ANK2: variants seen among roughly 807,000 people sequenced by gnomAD.
The protein encoded by ANK2 is ankyrin-2.
In ANK2, 83 loss-of-function variants were observed where a neutral mutation model predicts 360.5. That is an observed-to-expected ratio of 0.23 (90% confidence interval 0.19 to 0.28). The LOEUF (loss-of-function observed/expected upper bound fraction) is 0.28. Ranked by LOEUF, ANK2 falls within the 10% of genes least tolerant of loss-of-function variation. ANK2 has a pLI of 1.00. For missense variants in ANK2, 4,201 were observed against 4,795.7 expected (o/e 0.88, Z 3.66); for synonymous variants, 1,740 against 1,759.5 (o/e 0.99, Z 0.28).
intron 28 of ANK2, among the ~76,000 whole-genome samples, chr4:113,332,484 GGA>G (rs1194862968): frequency 6.6e-6 from 1 of 152,194 alleles, no homozygotes. Flanking sequence ...AATAGGCATT[GGA>G]CACAATTGGG....
chr4:113,339,359 T>A (rs773932721), intron 32 of ANK2, 37 bp downstream of exon 32: 2 of 1,546,096 alleles, frequency 1.3e-6, no homozygotes, highest in Admixed American at 3.3e-5. Flanking sequence ...CACTATGATA[T>A]GTTACCCTCC....
intron 17 of ANK2, among the ~76,000 whole-genome samples, chr4:113,280,909 T>C (rs1292317135): frequency 6.6e-6 from 1 of 152,178 alleles, no homozygotes; most frequent in Non-Finnish European, 1.5e-5. Context: ...CAAAAAGAAG[T>C]TGACTAAACT....
the ANK2 span, among the ~76,000 whole-genome samples, chr4:112,753,198 C>T: frequency 6.6e-6 from 1 of 152,340 alleles, no homozygotes; most frequent in East Asian, 1.9e-4. Context: ...AGTCTTGCTT[C>T]ATCTGCTGAT....
the ANK2 span, among the ~76,000 whole-genome samples, chr4:112,776,779 C>A: frequency 4.6e-5 from 7 of 152,160 alleles, no homozygotes; most frequent in Non-Finnish European, 1.0e-4. Flanking sequence ...CTATCAGGGA[C>A]ACAGGAAGTT....
the ANK2 span, among the ~76,000 whole-genome samples, chr4:112,811,322 ACT>A: frequency 6.6e-6 from 1 of 151,976 alleles, no homozygotes; most frequent in African/African-American, 2.4e-5. Flanking sequence ...ATTTTAGGTA[ACT>A]CTCTGCTGTA....
chr4:113,280,808 T>G (rs937671287), intron 17 of ANK2, among the ~76,000 whole-genome samples: 1 of 152,230 alleles, frequency 6.6e-6, no homozygotes, highest in Non-Finnish European at 1.5e-5. Context: ...TGATCGCTTA[T>G]GTTGTTTTGC....
chr4:113,264,657 G>T (rs1241521774), intron 13 of ANK2, among the ~76,000 whole-genome samples: 1 of 151,924 alleles, frequency 6.6e-6, no homozygotes, highest in Non-Finnish European at 1.5e-5. Flanking sequence ...TGGAGGTGGA[G>T]GTTGTGGTGA....
intron 14 of ANK2, 35 bp from the exon 15 acceptor site, chr4:113,274,417 C>T (rs1470016368): frequency 1.9e-6 from 3 of 1,603,742 alleles, no homozygotes; most frequent in South Asian, 2.2e-5. Context: ...GTTCTGTCTG[C>T]CCGGCACTAA....
chr4:112,996,072 C>G (rs1245183457), intron 2 of ANK2, among the ~76,000 whole-genome samples: 1 of 152,100 alleles, frequency 6.6e-6, no homozygotes, highest in African/African-American at 2.4e-5. Flanking sequence ...CGAAAACAAC[C>G]CAAATGTCTA....
At chr4:113,339,115 C>A in intron 31 of ANK2, 111 bp from the exon 32 acceptor site, 1 of 853,068 alleles carries the variant, frequency 1.2e-6, no homozygotes, top group Non-Finnish European at 1.9e-6. Flanking sequence ...TTTCAATGTG[C>A]CATTTTGAGG....
the ANK2 span, among the ~76,000 whole-genome samples, chr4:112,709,302 T>C: frequency 6.6e-6 from 1 of 152,222 alleles, no homozygotes; most frequent in Non-Finnish European, 1.5e-5. Flanking sequence ...ATTCATTTTC[T>C]AACTTTGTAA....
intron 2 of ANK2, among the ~76,000 whole-genome samples, chr4:112,942,869 C>A (rs1377182592): frequency 6.6e-6 from 1 of 151,720 alleles, no homozygotes; most frequent in Non-Finnish European, 1.5e-5. Flanking sequence ...TAAATTAGTC[C>A]TAACAATATC....
intron 10 of ANK2, among the ~76,000 whole-genome samples, chr4:113,250,089 A>T (rs2045317359): frequency 6.6e-6 from 1 of 152,202 alleles, no homozygotes. Context: ...CTATATTTTT[A>T]CCTGTTATTC....
At chr4:113,141,971 T>G (rs1484515070) in intron 1 of ANK2, among the ~76,000 whole-genome samples, 3 of 152,210 alleles carry the variant, frequency 2.0e-5, no homozygotes, top group Non-Finnish European at 4.4e-5. Context: ...TCATGGAGGC[T>G]TTGAATTTCA....
intron 2 of ANK2, among the ~76,000 whole-genome samples, chr4:113,017,752 A>G (rs182218190): frequency 6.6e-6 from 1 of 152,348 alleles, no homozygotes; most frequent in East Asian, 1.9e-4. Context: ...GCTGCAGCAT[A>G]CAATTCTTAT....
chr4:113,241,242 A>G lies in ANK2; in HGVS notation c.792+659A>G, dbSNP rs1020517493. ...ATAAATAAATATAATTTGTATGTATAATGTTTTTGTACTAAGAAGTCATCT... is the reference window on the plus strand; with the variant it reads ...ATAAATAAATATAATTTGTATGTATGATGTTTTTGTACTAAGAAGTCATCT... On this transcript the variant is annotated intron_variant, in intron 8 of 45. Transcript: ENST00000357077. 3.9e-5 allele frequency among the ~76,000 whole-genome samples: 6 copies of G among 152,222 alleles called. No homozygotes were observed. The South Asian group carries it at 1.2e-3, about 32-fold the overall frequency.
intron 34 of ANK2, 77 bp from the exon 35 acceptor site, chr4:113,345,823 C>T: frequency 1.3e-6 from 2 of 1,576,816 alleles, no homozygotes; most frequent in Non-Finnish European, 1.7e-6. Context: ...TTTACTTTTC[C>T]CTTTCAAGCA....
chr4:113,065,519 A>G (rs2075254475), intron 1 of ANK2, among the ~76,000 whole-genome samples: 1 of 152,304 alleles, frequency 6.6e-6, no homozygotes, highest in South Asian at 2.1e-4. Context: ...AGACCCAAAG[A>G]AGTCAAGCAC....
intron 1 of ANK2, among the ~76,000 whole-genome samples, chr4:113,156,371 C>CCTTTTTTTT (rs2097291795): frequency 7.8e-6 from 1 of 128,476 alleles, no homozygotes; most frequent in Admixed American, 8.4e-5. Flanking sequence ...TAGAAAAATT[C>CCTTTTTTTT]TTTTTTTTTT....
Sources: gnomAD v4.1 joint callset for allele counts (sites outside exome capture counted in the v4.1 genomes callset) on GRCh38, gnomAD v4.1.1 for gene constraint, MANE v1.5 for transcripts, NCBI Gene and HGNC (gene_info 2026-07-23, HGNC 2026-07-21) for gene names.